The following CALN1 variants were observed in gnomAD, a reference collection of about 807,000 sequenced individuals.
CALN1 encodes the protein calcium-binding protein 8.
A neutral mutation model predicts 30.6 loss-of-function variants in CALN1; 17 were observed. The ratio of observed to expected loss-of-function variants is 0.56; its 90% CI spans 0.38 to 0.83. CALN1 has a LOEUF of 0.83. Ranked by LOEUF, CALN1 falls within the 40% of genes least tolerant of loss-of-function variation. The pLI is 0.00. For synonymous variants in CALN1, 156 were observed against 131.4 expected (o/e 1.19, Z -1.28); for missense variants, 291 against 354.9 (o/e 0.82, Z 1.45).
chr7:72,147,824 C>A (rs533550734), intron 3 of CALN1, among the ~76,000 whole-genome samples: 1 of 151,736 alleles, frequency 6.6e-6, no homozygotes, highest in Admixed American at 6.6e-5. Flanking sequence ...TGGAAACCAT[C>A]ATTCTCAGTA....
chr7:71,799,871 C>T (rs578077527), intron 6 of CALN1, among the ~76,000 whole-genome samples: 2 of 152,264 alleles, frequency 1.3e-5, no homozygotes, highest in East Asian at 3.9e-4. Context: ...GTCTGAAGTC[C>T]CAAATCTCTT....
chr7:71,928,116 A>G (rs1357802220), intron 5 of CALN1, among the ~76,000 whole-genome samples: 1 of 152,180 alleles, frequency 6.6e-6, no homozygotes, highest in Non-Finnish European at 1.5e-5. Context: ...TGTCTTCAAT[A>G]TGGAGGAGGG....
chr7:72,259,594 A>G (rs1285249914), intron 3 of CALN1, among the ~76,000 whole-genome samples: 2 of 152,198 alleles, frequency 1.3e-5, no homozygotes, highest in African/African-American at 4.8e-5. Flanking sequence ...ACTCCCACCA[A>G]TTATGAGTTG....
chr7:72,426,817 C>T (rs1807812521), intron 1 of CALN1, among the ~76,000 whole-genome samples: 1 of 152,172 alleles, frequency 6.6e-6, no homozygotes, highest in Non-Finnish European at 1.5e-5. Flanking sequence ...CTATGGCTTG[C>T]ATTGACCACT....
upstream of CALN1, among the ~76,000 whole-genome samples, chr7:72,448,429 C>G (rs1808585269): frequency 6.6e-6 from 1 of 152,068 alleles, no homozygotes; most frequent in African/African-American, 2.4e-5. Context: ...TCAGAGACCC[C>G]CTTCCCACGC....
intron 3 of CALN1, among the ~76,000 whole-genome samples, chr7:72,133,546 A>C (rs1809306815): frequency 6.6e-6 from 1 of 152,236 alleles, no homozygotes; most frequent in Non-Finnish European, 1.5e-5. Context: ...TGATTCAGGC[A>C]AAAATCACTA....
intron 3 of CALN1, among the ~76,000 whole-genome samples, chr7:72,145,269 T>TA (rs1474526845): frequency 1.3e-5 from 2 of 151,412 alleles, no homozygotes; most frequent in Non-Finnish European, 2.9e-5. Flanking sequence ...ATAGACACAA[T>TA]AAAAAAAGAT....
intron 3 of CALN1, among the ~76,000 whole-genome samples, chr7:72,131,277 A>C (rs959391991): frequency 1.3e-5 from 2 of 152,156 alleles, no homozygotes; most frequent in Non-Finnish European, 2.9e-5. Flanking sequence ...AAGATCCTTA[A>C]AGATGAATGG....
intron 4 of CALN1, among the ~76,000 whole-genome samples, chr7:72,070,743 T>C (rs1364933100): frequency 6.6e-6 from 1 of 151,868 alleles, no homozygotes. Flanking sequence ...ACATTATAGA[T>C]TTTAATCTCG....
intron 2 of CALN1, 72 bp from the exon 3 acceptor site, chr7:72,278,882 A>C: frequency 6.4e-7 from 1 of 1,555,148 alleles, no homozygotes; most frequent in East Asian, 2.3e-5. Context: ...TTCTTAAAGG[A>C]CCATCTGATT....
chr7:72,338,958 C>CA (rs1802258292), intron 2 of CALN1, among the ~76,000 whole-genome samples: 1 of 149,762 alleles, frequency 6.7e-6, no homozygotes, highest in South Asian at 2.1e-4. Context: ...CCTCACCCCC[C>CA]ACCCAGCCCC....
chr7:72,497,300 C>T, the CALN1 span, among the ~76,000 whole-genome samples: 10 of 152,146 alleles, frequency 6.6e-5, no homozygotes, highest in South Asian at 1.7e-3. Context: ...ACTAGCCAGG[C>T]GTGGTGGCAC....
chr7:72,034,795 CAAAAA>C (rs57756121), intron 4 of CALN1, among the ~76,000 whole-genome samples: 10 of 52,630 alleles, frequency 1.9e-4, no homozygotes, highest in South Asian at 2.1e-3. Context: ...GACTCTGTCT[CAAAAA>C]AAAAAAAAAA....
intron 6 of CALN1, among the ~76,000 whole-genome samples, chr7:71,806,647 T>C (rs145472368): frequency 2.2e-3 from 338 of 152,298 alleles, no homozygotes; most frequent in African/African-American, 7.7e-3. Context: ...GTATAAAACA[T>C]TAAGTTTTCC....
intron 2 of CALN1, among the ~76,000 whole-genome samples, chr7:72,393,780 C>G (rs1805742114): frequency 6.8e-6 from 1 of 146,488 alleles, no homozygotes; most frequent in Non-Finnish European, 1.5e-5. Flanking sequence ...GACAGAGTCT[C>G]GCTCTGTCAC....
intron 5 of CALN1, among the ~76,000 whole-genome samples, chr7:71,814,877 A>C (rs1788169838): frequency 1.4e-5 from 2 of 143,992 alleles, no homozygotes; most frequent in Admixed American, 7.2e-5. Context: ...TCTGTCCCCC[A>C]CCCTGGAGTG....
intron 5 of CALN1, among the ~76,000 whole-genome samples, chr7:71,886,998 C>T (rs948452761): frequency 6.6e-6 from 1 of 152,026 alleles, no homozygotes; most frequent in African/African-American, 2.4e-5. Context: ...TTGAAGGAAC[C>T]ATGAGCTGCA....
chr7:71,873,399 TAAAG>T (rs963512967), intron 5 of CALN1, among the ~76,000 whole-genome samples: 1 of 152,060 alleles, frequency 6.6e-6, no homozygotes, highest in Admixed American at 6.6e-5. Flanking sequence ...TCAGAAATAA[TAAAG>T]AAGGCAGTTA....
At chr7:72,016,461 G>A (rs1800385323) in intron 5 of CALN1, among the ~76,000 whole-genome samples, 1 of 151,602 alleles carries the variant, frequency 6.6e-6, no homozygotes. Context: ...TTTTGAGACA[G>A]AATCTCCCTC....
Sources: gnomAD v4.1 joint callset for allele counts (sites outside exome capture counted in the v4.1 genomes callset) on GRCh38, gnomAD v4.1.1 for gene constraint, MANE v1.5 for transcripts, NCBI Gene and HGNC (gene_info 2026-07-23, HGNC 2026-07-21) for gene names.